The following CDK6 variants were observed in gnomAD, a reference collection of about 807,000 sequenced individuals.
CDK6 encodes cyclin dependent kinase 6.
CDK6 carries 6 observed loss-of-function variants against 37.1 expected under a neutral mutation model. The ratio of observed to expected loss-of-function variants is 0.16; its 90% CI spans 0.09 to 0.32. CDK6 has a LOEUF of 0.32. Among genes scored for constraint, CDK6 ranks in the 10% least tolerant of loss-of-function variants. The probability of loss-of-function intolerance (pLI) is 1.00; values close to 1 mark genes in which losing one functional copy is unlikely to be tolerated. For missense variants in CDK6, 224 were observed against 418.9 expected (o/e 0.53, Z 4.06); for synonymous variants, 160 against 161.3 (o/e 0.99, Z 0.06).
rs1011599148 is a variant in CDK6 at position 92,613,822 on chromosome 7, C to G, written c.*1318G>C. ...ATTATTTAGGTAACAAAAGTAAACA[C>G]CAGGTAGAAGGACTGCATTAGAGAA... On this transcript the variant is annotated 3_prime_UTR_variant, in exon 8 of 8. Transcript: ENST00000424848. 1.3e-5 allele frequency: 3 copies of G among 232,972 alleles called. No individual in the cohort carries two copies. Among genetic ancestry groups the G allele is most frequent in the African/African-American group, 4.4e-5 (2 of 45,312 alleles). 14.4% of individuals were successfully genotyped at this position (232,972 alleles called of 1,614,324 possible).
intron 2 of CDK6, among the ~76,000 whole-genome samples, chr7:92,802,063 G>C (rs1033760282): frequency 3.5e-5 from 5 of 141,250 alleles, no homozygotes; most frequent in African/African-American, 1.0e-4. Flanking sequence ...GGGAACAAGC[G>C]CAATTTTGCT....
intron 2 of CDK6, among the ~76,000 whole-genome samples, chr7:92,782,636 G>A (rs1466448939): frequency 1.3e-5 from 2 of 152,184 alleles, no homozygotes; most frequent in African/African-American, 4.8e-5. Context: ...ACTATGGGAT[G>A]CAGAAGAGGG....
chr7:92,731,747 G>T (rs1798655904), intron 3 of CDK6, among the ~76,000 whole-genome samples: 1 of 150,400 alleles, frequency 6.6e-6, no homozygotes, highest in African/African-American at 2.5e-5. Flanking sequence ...TCAACTAACT[G>T]GAAATAAAAA....
chr7:92,772,549 T>C (rs2115773527), intron 3 of CDK6, among the ~76,000 whole-genome samples: 1 of 151,062 alleles, frequency 6.6e-6, no homozygotes, highest in African/African-American at 2.4e-5. Flanking sequence ...AAAAAAAAAA[T>C]TAACTTTTAA....
chr7:92,757,827 A>G (rs755218145), intron 3 of CDK6, among the ~76,000 whole-genome samples: 13 of 152,072 alleles, frequency 8.5e-5, no homozygotes, highest in Non-Finnish European at 1.8e-4. Context: ...CTATTTTGTG[A>G]CTTTTTAATA....
chr7:92,689,709 C>T (rs1436932301), intron 4 of CDK6, among the ~76,000 whole-genome samples: 2 of 152,180 alleles, frequency 1.3e-5, no homozygotes, highest in African/African-American at 4.8e-5. Flanking sequence ...GGAATTGCCA[C>T]ACTGTCTTCT....
chr7:92,743,407 T>C (rs1798978323), intron 3 of CDK6, among the ~76,000 whole-genome samples: 1 of 148,760 alleles, frequency 6.7e-6, no homozygotes. Flanking sequence ...AAAATAAAAA[T>C]AAATAAAAAT....
rs117264195 is a variant in CDK6, at chr7:92,729,922, T to C, written c.370-4129A>G. On this transcript the variant is annotated intron_variant, in intron 3 of 7. Coordinates refer to ENST00000424848, the MANE Select transcript of CDK6 (RefSeq NM_001145306.2). ...GCCTGGCTACTTTTTAAACTTTTTG[T>C]AGAGACAGGGTCTTGCTATGTTGCC... Among the ~76,000 whole-genome samples, 424 of 152,272 alleles carry C rather than the reference T, an allele frequency of 2.8e-3. 15 individuals are homozygous for C. In the East Asian group the frequency reaches 0.071, roughly 26 times the overall value.
At chr7:92,749,784 G>A (rs1166732728) in intron 3 of CDK6, among the ~76,000 whole-genome samples, 1 of 152,168 alleles carries the variant, frequency 6.6e-6, no homozygotes, top group African/African-American at 2.4e-5. Context: ...AAAGCCACAT[G>A]TTTATTCAAC....
chr7:92,756,735 T>C (rs140088955), intron 3 of CDK6, among the ~76,000 whole-genome samples: 1 of 152,158 alleles, frequency 6.6e-6, no homozygotes, highest in East Asian at 1.9e-4. Flanking sequence ...TCTTTGGCCA[T>C]CCTGTTAAAG....
At chr7:92,748,283 G>A (rs979062296) in intron 3 of CDK6, among the ~76,000 whole-genome samples, 8 of 152,124 alleles carry the variant, frequency 5.3e-5, no homozygotes, top group African/African-American at 1.7e-4. Flanking sequence ...GTCAACAAAC[G>A]CTCAAACCAG....
chr7:92,765,087 C>A (rs1025172886), intron 3 of CDK6, among the ~76,000 whole-genome samples: 1 of 151,892 alleles, frequency 6.6e-6, no homozygotes, highest in East Asian at 1.9e-4. Context: ...TTCTAGTTCT[C>A]GTGATGGGAA....
At chr7:92,679,874 C>T (rs1264920306) in intron 4 of CDK6, among the ~76,000 whole-genome samples, 2 of 151,774 alleles carry the variant, frequency 1.3e-5, no homozygotes, top group African/African-American at 4.8e-5. Flanking sequence ...GCGTGCACCA[C>T]CATGCCCGGC....
intron 2 of CDK6, among the ~76,000 whole-genome samples, chr7:92,790,302 T>A (rs1800250201): frequency 6.6e-6 from 1 of 152,108 alleles, no homozygotes; most frequent in Admixed American, 6.6e-5. Flanking sequence ...TATTTTTCCA[T>A]CCACTGCCAC....
chr7:92,618,281 A>T, intron 6 of CDK6, 74 bp from the exon 7 acceptor site: 1 of 1,524,640 alleles, frequency 6.6e-7, no homozygotes, highest in African/African-American at 1.4e-5. Flanking sequence ...TTTCCAGAGA[A>T]AGGCAAAATC....
intron 3 of CDK6, among the ~76,000 whole-genome samples, chr7:92,730,824 A>T (rs1181641926): frequency 6.6e-6 from 1 of 152,176 alleles, no homozygotes; most frequent in East Asian, 1.9e-4. Flanking sequence ...GGCTGCTGTG[A>T]ATATTGCTGC....
intron 4 of CDK6, among the ~76,000 whole-genome samples, chr7:92,680,650 C>T (rs1317442318): frequency 1.3e-5 from 2 of 152,072 alleles, no homozygotes; most frequent in African/African-American, 4.8e-5. Context: ...GCATCCATTA[C>T]CAGCAGAAGG....
At chr7:92,767,507 G>C (rs928771526) in intron 3 of CDK6, among the ~76,000 whole-genome samples, 5 of 152,108 alleles carry the variant, frequency 3.3e-5, no homozygotes, top group African/African-American at 1.2e-4. Flanking sequence ...TCTGACTTTA[G>C]TAGTATAAAC....
At chr7:92,750,476 C>G (rs1051944067) in intron 3 of CDK6, among the ~76,000 whole-genome samples, 1 of 152,170 alleles carries the variant, frequency 6.6e-6, no homozygotes, top group Non-Finnish European at 1.5e-5. Flanking sequence ...CTTTGATCAA[C>G]CTTGCCAGCT....
Sources: gnomAD v4.1 joint callset for allele counts (sites outside exome capture counted in the v4.1 genomes callset) on GRCh38, gnomAD v4.1.1 for gene constraint, MANE v1.5 for transcripts, NCBI Gene and HGNC (gene_info 2026-07-23, HGNC 2026-07-21) for gene names.